Variants in CADM2 observed in about 807,000 individuals in gnomAD.
CADM2 encodes immunoglobulin superfamily member 4D.
A neutral mutation model predicts 49.8 loss-of-function variants in CADM2; 12 were observed. The ratio of observed to expected loss-of-function variants is 0.24; its 90% CI spans 0.15 to 0.39. The LOEUF (loss-of-function observed/expected upper bound fraction) is 0.39. Ranked by LOEUF, CADM2 falls within the 10% of genes least tolerant of loss-of-function variation. The pLI, the probability that CADM2 is intolerant of heterozygous loss-of-function variation, is 1.00. For synonymous variants in CADM2, 214 were observed against 175.4 expected, an observed-to-expected ratio of 1.22 and a Z score of -1.74; for missense variants, 378 against 492.3, an observed-to-expected ratio of 0.77 and a Z score of 2.20.
At chr3:85,109,360 A>G (rs1425760323) in intron 1 of CADM2, among the ~76,000 whole-genome samples, 3 of 151,948 alleles carry the variant, frequency 2.0e-5, no homozygotes, top group African/African-American at 7.2e-5. Flanking sequence ...ACATAGAGAA[A>G]GAGAGACAGT....
At chr3:85,282,179 AT>A (rs566298698) in intron 1 of CADM2, among the ~76,000 whole-genome samples, 7 of 148,536 alleles carry the variant, frequency 4.7e-5, no homozygotes, top group Admixed American at 1.4e-4. Flanking sequence ...AAAATCTGTC[AT>A]TTTTTTTTAA....
At position 85,673,550 on chromosome 3, in the gene CADM2, A is replaced by G. The variant is rs1289662796; in HGVS notation, c.62-52972A>G. Among the ~76,000 whole-genome samples the G allele has an allele frequency of 4.0e-5, 6 of 151,794 alleles. No individual in the cohort carries two copies. The East Asian group carries it at 1.2e-3, about 29-fold the overall frequency. On this transcript the variant is annotated intron_variant, in intron 1 of 9. Coordinates refer to ENST00000383699, the MANE Select transcript of CADM2 (RefSeq NM_001167675.2). ...AATAATCTTTTATTTAAGGGGAAGTACCTAAAAAAACACCAATTCTGACAG... is the reference window on the plus strand; with the variant it reads ...AATAATCTTTTATTTAAGGGGAAGTGCCTAAAAAAACACCAATTCTGACAG...
rs576803875 is a variant in CADM2, at chr3:85,606,999, A to G, written c.62-119523A>G. Among the ~76,000 whole-genome samples the G allele has an allele frequency of 3.9e-5, 6 of 152,288 alleles. No individual in the cohort carries two copies. The South Asian group carries it at 8.3e-4, about 21-fold the overall frequency. Reference sequence around the variant, plus strand: ...ATTAGAAGAAGATACCATTATTGACATTGTATAAGTATTTCAATTATTTAT... The same window carrying G: ...ATTAGAAGAAGATACCATTATTGACGTTGTATAAGTATTTCAATTATTTAT... On this transcript the variant is annotated intron_variant, in intron 1 of 9. Transcript: ENST00000383699.
At chr3:85,464,599 A>G (rs2038404292) in intron 1 of CADM2, among the ~76,000 whole-genome samples, 1 of 152,196 alleles carries the variant, frequency 6.6e-6, no homozygotes, top group Non-Finnish European at 1.5e-5. Context: ...TTTTAGGCAG[A>G]TGAAAGAATA....
chr3:85,054,507 T>A (rs1265899602), intron 1 of CADM2, among the ~76,000 whole-genome samples: 4 of 151,904 alleles, frequency 2.6e-5, no homozygotes, highest in African/African-American at 9.7e-5. Flanking sequence ...AGCCATGGAA[T>A]TACCTATTAG....
intron 1 of CADM2, among the ~76,000 whole-genome samples, chr3:85,467,970 C>T (rs566691751): frequency 6.6e-6 from 1 of 151,628 alleles, no homozygotes; most frequent in East Asian, 2.0e-4. Flanking sequence ...CCGGCTAAAA[C>T]GGTGAAACCC....
chr3:85,632,269 C>T (rs1475790479), intron 1 of CADM2, among the ~76,000 whole-genome samples: 1 of 152,106 alleles, frequency 6.6e-6, no homozygotes, highest in Admixed American at 6.6e-5. Flanking sequence ...ACTTGCTCCT[C>T]CTTGCCTTCT....
chr3:85,210,568 G>A (rs971598741), intron 1 of CADM2, among the ~76,000 whole-genome samples: 1 of 151,866 alleles, frequency 6.6e-6, no homozygotes, highest in Non-Finnish European at 1.5e-5. Flanking sequence ...TTGAAACAAG[G>A]TCTGGCTCTG....
At chr3:85,863,515 G>C (rs1216673703) in intron 3 of CADM2, among the ~76,000 whole-genome samples, 1 of 152,140 alleles carries the variant, frequency 6.6e-6, no homozygotes, top group Non-Finnish European at 1.5e-5. Flanking sequence ...AATTACTGCA[G>C]GAGTTTGGTT....
intron 1 of CADM2, among the ~76,000 whole-genome samples, chr3:85,652,767 C>CTTTTCTTTTT (rs2065082654): frequency 1.8e-5 from 1 of 56,434 alleles, no homozygotes; most frequent in Non-Finnish European, 3.7e-5. Context: ...ATCTTTTTTT[C>CTTTTCTTTTT]TTTTCTTTTT....
intron 1 of CADM2, among the ~76,000 whole-genome samples, chr3:85,457,625 A>G (rs949122069): frequency 6.6e-6 from 1 of 152,092 alleles, no homozygotes; most frequent in African/African-American, 2.4e-5. Context: ...TATATTATCA[A>G]ATCAACCATT....
At chr3:86,004,752 T>C (rs553886970) in intron 8 of CADM2, among the ~76,000 whole-genome samples, 2 of 152,306 alleles carry the variant, frequency 1.3e-5, no homozygotes, top group African/African-American at 4.8e-5. Flanking sequence ...CTACTCTCCA[T>C]AGCAGCATGT....
intron 1 of CADM2, among the ~76,000 whole-genome samples, chr3:85,231,681 AG>A (rs1187178886): frequency 6.7e-6 from 1 of 149,616 alleles, no homozygotes; most frequent in Non-Finnish European, 1.5e-5. Flanking sequence ...TAAGTGGGGT[AG>A]GGGGAGTATT....
intron 3 of CADM2, among the ~76,000 whole-genome samples, chr3:85,822,494 G>A (rs2073645948): frequency 6.6e-6 from 1 of 152,080 alleles, no homozygotes; most frequent in Admixed American, 6.6e-5. Flanking sequence ...TAAGGCAGAA[G>A]AATTGCTTGC....
At chr3:85,058,547 C>T (rs1259995600) in intron 1 of CADM2, among the ~76,000 whole-genome samples, 2 of 152,032 alleles carry the variant, frequency 1.3e-5, no homozygotes, top group East Asian at 1.9e-4. Context: ...TGGGTTGAAG[C>T]GATTCTCCTG....
chr3:85,641,024 C>T (rs2064694105), intron 1 of CADM2, among the ~76,000 whole-genome samples: 1 of 152,122 alleles, frequency 6.6e-6, no homozygotes, highest in Non-Finnish European at 1.5e-5. Flanking sequence ...AAATTGGAGC[C>T]CTAAAATCCA....
At chr3:85,846,429 C>A (rs532022325) in intron 3 of CADM2, among the ~76,000 whole-genome samples, 45 of 152,160 alleles carry the variant, frequency 3.0e-4, no homozygotes, top group African/African-American at 1.1e-3. Context: ...TTCTTATATG[C>A]CAATTCCTAA....
chr3:85,488,594 C>T (rs916946622), intron 1 of CADM2, among the ~76,000 whole-genome samples: 11 of 152,098 alleles, frequency 7.2e-5, no homozygotes, highest in African/African-American at 2.6e-4. Flanking sequence ...TGCAATGGTG[C>T]AATCTCTGCT....
chr3:85,782,627 G>A (rs1031373805), intron 2 of CADM2, among the ~76,000 whole-genome samples: 3 of 148,122 alleles, frequency 2.0e-5, no homozygotes, highest in Non-Finnish European at 3.0e-5. Flanking sequence ...CTGTACTCCA[G>A]CCTGGGCGAC....
Sources: gnomAD v4.1 joint callset for allele counts (sites outside exome capture counted in the v4.1 genomes callset) on GRCh38, gnomAD v4.1.1 for gene constraint, MANE v1.5 for transcripts, NCBI Gene and HGNC (gene_info 2026-07-23, HGNC 2026-07-21) for gene names.